The following TF variants were observed in gnomAD, a reference collection of about 807,000 sequenced individuals.
TF encodes the protein transferrin.
TF carries 55 observed loss-of-function variants against 82.4 expected under a neutral mutation model. The ratio of observed to expected loss-of-function variants is 0.67; its 90% CI spans 0.54 to 0.84. TF has a LOEUF of 0.84. TF is among the 40% of genes least tolerant of loss of function. The pLI is 0.00. For missense variants in TF, 737 were observed against 868.4 expected (o/e 0.85, Z 1.90); for synonymous variants, 332 against 332.6 (o/e 1.00, Z 0.02).
intron 8 of TF, among the ~76,000 whole-genome samples, chr3:133,758,294 C>T (rs997427392): frequency 6.6e-6 from 1 of 152,146 alleles, no homozygotes; most frequent in African/African-American, 2.4e-5. Context: ...CATCTCCAGC[C>T]AGTCAACATG....
chr3:133,702,876 G>A, the TF span, among the ~76,000 whole-genome samples: 1 of 152,126 alleles, frequency 6.6e-6, no homozygotes, highest in African/African-American at 2.4e-5. Context: ...TGGTTATGTA[G>A]TCTACTAAAT....
At position 133,782,566 on chromosome 3, in the gene TF, G is replaced by A. The variant is rs1384507077; in HGVS notation, c.*3946G>A. 6.6e-6 allele frequency: 1 copy of A among 152,038 alleles called. No individual in the cohort carries two copies. The highest frequency in any genetic ancestry group is 2.4e-5 in the African/African-American group (1 of 41,386). The allele number at this position is 152,038 out of a possible 1,614,324, so 9.4% of individuals were successfully genotyped here. On this transcript the variant is annotated 3_prime_UTR_variant, in exon 17 of 17. Coordinates refer to ENST00000402696, the MANE Select transcript of TF (RefSeq NM_001063.4). Reference sequence around the variant, plus strand: ...AAATATTACACGATTTCACTCACATGGGGAATCTAAAGAAAACACTCAAAT... The same window carrying A: ...AAATATTACACGATTTCACTCACATAGGGAATCTAAAGAAAACACTCAAAT...
chr3:133,738,881 A>G, the TF span, among the ~76,000 whole-genome samples: 1 of 152,228 alleles, frequency 6.6e-6, no homozygotes, highest in Non-Finnish European at 1.5e-5. Flanking sequence ...TAAAATGGCC[A>G]TACTGCCCAA....
At chr3:133,721,338 C>T in the TF span, among the ~76,000 whole-genome samples, 1 of 152,042 alleles carries the variant, frequency 6.6e-6, no homozygotes, top group South Asian at 2.1e-4. Context: ...TTTTTAATTT[C>T]TTCATTGACT....
the TF span, among the ~76,000 whole-genome samples, chr3:133,733,496 C>T: frequency 1.9e-4 from 29 of 152,152 alleles, no homozygotes; most frequent in African/African-American, 2.9e-4. Context: ...TCCCAGAGTG[C>T]GCTGGGCTCC....
At chr3:133,717,866 T>C in the TF span, among the ~76,000 whole-genome samples, 19 of 152,314 alleles carry the variant, frequency 1.2e-4, 1 homozygote, top group East Asian at 3.3e-3. Context: ...AGTGCAAGAA[T>C]GACAAATAAG....
At chr3:133,664,604 G>A in the TF span, among the ~76,000 whole-genome samples, 2 of 152,134 alleles carry the variant, frequency 1.3e-5, no homozygotes, top group Admixed American at 6.5e-5. Context: ...ACAGGCATAA[G>A]TCACTGCGCC....
At chr3:133,770,919 G>T in intron 14 of TF, 1 of 359,886 alleles carries the variant, frequency 2.8e-6, no homozygotes, top group Non-Finnish European at 5.2e-6. Context: ...TACATTATGT[G>T]GATTTAATAC....
intron 12 of TF, among the ~76,000 whole-genome samples, chr3:133,766,636 C>T (rs769878193): frequency 3.3e-5 from 5 of 152,160 alleles, no homozygotes; most frequent in East Asian, 1.9e-4. Flanking sequence ...TGAGTTGGGA[C>T]GGTTCATTTA....
the TF span, among the ~76,000 whole-genome samples, chr3:133,667,064 C>T: frequency 6.6e-6 from 1 of 151,698 alleles, no homozygotes; most frequent in African/African-American, 2.4e-5. Context: ...AAATCCAGGC[C>T]GGATGCAGTG....
chr3:133,757,391 C>G (rs1933866040), intron 7 of TF, among the ~76,000 whole-genome samples: 1 of 152,228 alleles, frequency 6.6e-6, no homozygotes, highest in Non-Finnish European at 1.5e-5. Flanking sequence ...GCTGCCTGCA[C>G]AGCGGCTTTA....
At chr3:133,662,479 AG>A in the TF span, 2 of 152,240 alleles carry the variant, frequency 1.3e-5, no homozygotes, top group East Asian at 3.9e-4. Context: ...CAAGATGGCA[AG>A]GGAAGAAAGG....
chr3:133,674,521 C>G, the TF span, among the ~76,000 whole-genome samples: 1 of 152,228 alleles, frequency 6.6e-6, no homozygotes, highest in African/African-American at 2.4e-5. Flanking sequence ...GAACCTTTCC[C>G]AAGAGGCGCT....
At chr3:133,768,313 T>G in intron 13 of TF, 149 bp downstream of exon 13, 1 of 1,114,800 alleles carries the variant, frequency 9.0e-7, no homozygotes, top group Non-Finnish European at 1.3e-6. Flanking sequence ...TAGAGCCACA[T>G]GGGGAGGGGC....
chr3:133,672,791 A>G, the TF span, among the ~76,000 whole-genome samples: 1 of 150,650 alleles, frequency 6.6e-6, no homozygotes, highest in Non-Finnish European at 1.5e-5. Context: ...GGGACAGAAA[A>G]AGGAAAGAAG....
chr3:133,730,818 A>G, the TF span, among the ~76,000 whole-genome samples: 1 of 152,164 alleles, frequency 6.6e-6, no homozygotes, highest in Admixed American at 6.5e-5. Flanking sequence ...TTCTTCTGTG[A>G]CCTCACACTG....
rs1426958300 is a variant in TF at position 133,780,337 on chromosome 3, A to C, written c.*1717A>C. The C allele has an allele frequency of 2.0e-5, 3 of 152,194 alleles. No individual in the cohort carries two copies. The highest frequency in any genetic ancestry group is 4.4e-5 in the Non-Finnish European group (3 of 68,032). The allele number at this position is 152,194 out of a possible 1,614,324, so 9.4% of individuals were successfully genotyped here. On this transcript the variant is annotated 3_prime_UTR_variant, in exon 17 of 17. Coordinates refer to ENST00000402696, the MANE Select transcript of TF (RefSeq NM_001063.4). ...GACGCAGTCTGTCTCATTGCAATGGATCAATAAACCTAATTTTATTACACT... is the reference window on the plus strand; with the variant it reads ...GACGCAGTCTGTCTCATTGCAATGGCTCAATAAACCTAATTTTATTACACT...
At chr3:133,746,211 C>T (rs1933492904), upstream of TF, 3 of 615,514 alleles carry the variant, frequency 4.9e-6, no homozygotes, top group Non-Finnish European at 8.8e-6. Flanking sequence ...TGCTGGACTC[C>T]TTCCACTCGC....
intron 15 of TF, among the ~76,000 whole-genome samples, chr3:133,776,184 G>A (rs1409163736): frequency 6.6e-6 from 1 of 152,290 alleles, no homozygotes; most frequent in African/African-American, 2.4e-5. Context: ...GTTTCCCAGC[G>A]CTTGTTGATA....
Sources: allele counts gnomAD v4.1 joint callset (sites outside exome capture counted in the v4.1 genomes callset), GRCh38; gene constraint gnomAD v4.1.1; transcripts MANE v1.5; gene names NCBI Gene and HGNC (gene_info 2026-07-23, HGNC 2026-07-21).